The following WASF3 variants were observed in gnomAD, a reference collection of about 807,000 sequenced individuals.
WASF3 encodes the protein actin-binding protein WASF3.
WASF3 carries 11 observed loss-of-function variants against 46.6 expected under a neutral mutation model. The observed-to-expected ratio is 0.24, with a 90% CI of 0.15 to 0.39. The LOEUF is 0.39. Among genes scored for constraint, WASF3 ranks in the 10% least tolerant of loss-of-function variants. The pLI is 1.00. For missense variants in WASF3, 576 were observed against 669.8 expected, an observed-to-expected ratio of 0.86 and a Z score of 1.55; for synonymous variants, 242 against 259.7, an observed-to-expected ratio of 0.93 and a Z score of 0.65.
chr13:26,628,320 T>C (rs573177330), intron 2 of WASF3, among the ~76,000 whole-genome samples: 1 of 152,284 alleles, frequency 6.6e-6, no homozygotes, highest in East Asian at 1.9e-4. Flanking sequence ...AGGAAACTTT[T>C]CTAAAACAAG....
At chr13:26,587,722 T>C (rs1880173629) in intron 1 of WASF3, among the ~76,000 whole-genome samples, 1 of 152,134 alleles carries the variant, frequency 6.6e-6, no homozygotes, top group African/African-American at 2.4e-5. Context: ...TTCTCTAAAG[T>C]CAAACTTGAC....
upstream of WASF3, among the ~76,000 whole-genome samples, chr13:26,553,709 TG>T (rs941237592): frequency 6.6e-6 from 1 of 151,244 alleles, no homozygotes; most frequent in Non-Finnish European, 1.5e-5. Flanking sequence ...CCCAGCTACT[TG>T]GGAGGCTGAG....
At chr13:26,642,953 A>G (rs1414796539) in intron 3 of WASF3, among the ~76,000 whole-genome samples, 1 of 152,212 alleles carries the variant, frequency 6.6e-6, no homozygotes, top group East Asian at 1.9e-4. Flanking sequence ...TGAGGTGAAC[A>G]GATCAGCTGG....
upstream of WASF3, among the ~76,000 whole-genome samples, chr13:26,554,900 G>C (rs761418891): frequency 2.0e-5 from 3 of 152,174 alleles, no homozygotes; most frequent in Non-Finnish European, 4.4e-5. Context: ...AAATACCTAG[G>C]AGTGTGATGG....
intron 1 of WASF3, among the ~76,000 whole-genome samples, chr13:26,611,743 G>A (rs958477331): frequency 6.6e-6 from 1 of 152,106 alleles, no homozygotes; most frequent in Non-Finnish European, 1.5e-5. Context: ...CAGTACAGCT[G>A]CTCTGAAGGA....
chr13:26,684,747 TA>T (rs1260344633), intron 9 of WASF3, among the ~76,000 whole-genome samples: 2 of 152,128 alleles, frequency 1.3e-5, no homozygotes, highest in East Asian at 3.8e-4. Context: ...GTAAAGATGA[TA>T]GGGGAAGATT....
At chr13:26,626,089 T>C (rs1881455439) in intron 2 of WASF3, 1 of 152,202 alleles carries the variant, frequency 6.6e-6, no homozygotes, top group African/African-American at 2.4e-5. Context: ...TTCAGGACCA[T>C]TGCAGAAGGT....
chr13:26,586,014 A>G (rs141007271), intron 1 of WASF3, among the ~76,000 whole-genome samples: 12 of 152,260 alleles, frequency 7.9e-5, no homozygotes, highest in African/African-American at 2.6e-4. Context: ...TTGGGATTGC[A>G]TGGAATAGAG....
At chr13:26,662,280 C>T (rs1044886102) in intron 3 of WASF3, among the ~76,000 whole-genome samples, 6 of 152,144 alleles carry the variant, frequency 3.9e-5, no homozygotes, top group East Asian at 3.9e-4. Flanking sequence ...ACTACCATTC[C>T]GTCCAGCAAT....
chr13:26,539,672 T>G, the WASF3 span, among the ~76,000 whole-genome samples: 2 of 152,182 alleles, frequency 1.3e-5, no homozygotes, highest in South Asian at 4.1e-4. Flanking sequence ...ATCTGTCCTT[T>G]ACGCTGCTTC....
the WASF3 span, among the ~76,000 whole-genome samples, chr13:26,543,395 A>T: frequency 6.6e-6 from 1 of 152,232 alleles, no homozygotes; most frequent in Non-Finnish European, 1.5e-5. Context: ...ATTCATTCAG[A>T]AAGCTTTTAG....
rs1381844627 is a variant in WASF3, at chr13:26,686,910, G to A, written c.*1065G>A. The A allele has an allele frequency of 6.6e-6, 1 of 152,360 alleles. No individual in the cohort carries two copies. Among genetic ancestry groups the A allele is most frequent in the African/African-American group, 2.4e-5 (1 of 41,584 alleles). The allele number at this position is 152,360 out of a possible 1,614,324, so 9.4% of individuals were successfully genotyped here. On this transcript the variant is annotated 3_prime_UTR_variant, in exon 10 of 10. Coordinates refer to ENST00000335327, the MANE Select transcript of WASF3 (RefSeq NM_006646.6). ...ATATTGACAGCTATTCACCTTTCACGGTGCTGGGGCCAGATTAGGGATCAC... is the reference window on the plus strand; with the variant it reads ...ATATTGACAGCTATTCACCTTTCACAGTGCTGGGGCCAGATTAGGGATCAC...
intron 1 of WASF3, among the ~76,000 whole-genome samples, chr13:26,569,472 A>G (rs1879569312): frequency 6.6e-6 from 1 of 152,228 alleles, no homozygotes; most frequent in Non-Finnish European, 1.5e-5. Flanking sequence ...AGAAGATATT[A>G]CGGTGAGAAT....
At chr13:26,669,485 A>T (rs1423407152) in intron 5 of WASF3, among the ~76,000 whole-genome samples, 1 of 149,356 alleles carries the variant, frequency 6.7e-6, no homozygotes, top group Admixed American at 6.8e-5. Context: ...TTGTCTTAAT[A>T]TAAGAAGTAC....
At position 26,682,228 on chromosome 13, in the gene WASF3, C is replaced by A. The variant is rs76365257; in HGVS notation, c.984-379C>A. The stretch of plus-strand genomic sequence containing the variant: ...TTAGAGAATGTAGAAAGCTCCCAAT[C>A]TGGTTGACCTTAGGACCCTTAAAAG... On this transcript the variant is annotated intron_variant, in intron 8 of 9. Transcript: ENST00000335327. This position sits in a 1 kb window ranked among gnomAD's most constrained non-coding sequence, Gnocchi z 4.4. Among the ~76,000 whole-genome samples the A allele has an allele frequency of 7.4e-3, 1,131 of 152,336 alleles. 8 individuals carry two copies. The highest frequency in any genetic ancestry group is 0.012 in the Non-Finnish European group (787 of 68,028).
intron 1 of WASF3, among the ~76,000 whole-genome samples, chr13:26,596,039 G>A (rs912778530): frequency 1.3e-5 from 2 of 150,300 alleles, no homozygotes; most frequent in Admixed American, 6.6e-5. Context: ...CTTTAGTTTT[G>A]TAAGAATGTG....
chr13:26,616,098 G>C lies in WASF3; in HGVS notation c.-11+3040G>C, dbSNP rs573645483. 2.0e-5 allele frequency among the ~76,000 whole-genome samples: 3 copies of C among 152,288 alleles called. No homozygotes were observed. The South Asian group carries it at 6.2e-4, about 32-fold the overall frequency. On this transcript the variant is annotated intron_variant, in intron 2 of 9. Coordinates refer to ENST00000335327, the MANE Select transcript of WASF3 (RefSeq NM_006646.6). The stretch of plus-strand genomic sequence containing the variant: ...AACATTCATATACAAGTCTTTATGT[G>C]GGCACATGCTTTTATTTATTTTGGG...
rs1037026141 is a variant in WASF3, at chr13:26,635,378, G to T, written c.-10-6883G>T. On this transcript the variant is annotated intron_variant, in intron 2 of 9. Transcript: ENST00000335327. ...TTCTATACATTGTTTATTCTAGTTA[G>T]CCATTCGTCTAACCTTTTTTCAAGG... Among the ~76,000 whole-genome samples, 7 of 152,138 alleles carry T rather than the reference G, an allele frequency of 4.6e-5. No homozygotes were observed. The East Asian group carries it at 1.3e-3, about 29-fold the overall frequency.
At chr13:26,644,062 A>G (rs1457575086) in intron 3 of WASF3, among the ~76,000 whole-genome samples, 1 of 152,184 alleles carries the variant, frequency 6.6e-6, no homozygotes, top group East Asian at 1.9e-4. Context: ...TAAATGGGAA[A>G]GGAGGGAGGT....
Sources: allele counts gnomAD v4.1 joint callset (sites outside exome capture counted in the v4.1 genomes callset), GRCh38; gene constraint gnomAD v4.1.1; non-coding constraint Gnocchi (gnomAD v3.1); transcripts MANE v1.5; gene names NCBI Gene and HGNC (gene_info 2026-07-23, HGNC 2026-07-21).